SEMA6D: variants seen among roughly 807,000 people sequenced by gnomAD.
The protein encoded by SEMA6D is semaphorin-6D.
In SEMA6D, 35 loss-of-function variants were observed where a neutral mutation model predicts 106.6. That is an observed-to-expected ratio of 0.33 (90% CI 0.25 to 0.44). The LOEUF (loss-of-function observed/expected upper bound fraction) is 0.44. Among genes scored for constraint, SEMA6D ranks in the 20% least tolerant of loss-of-function variants. The pLI, the probability that SEMA6D is intolerant of heterozygous loss-of-function variation, is 1.00. For synonymous variants in SEMA6D, 499 were observed against 487.7 expected (o/e 1.02, Z -0.31); for missense variants, 1,185 against 1,345.9 (o/e 0.88, Z 1.87).
At chr15:47,342,443 A>G (rs1477100253) in intron 1 of SEMA6D, among the ~76,000 whole-genome samples, 1 of 152,236 alleles carries the variant, frequency 6.6e-6, no homozygotes, top group Non-Finnish European at 1.5e-5. Context: ...AACACTATTA[A>G]GATGTTCTGA....
At chr15:47,621,250 T>C (rs1036391717) in intron 4 of SEMA6D, among the ~76,000 whole-genome samples, 4 of 152,296 alleles carry the variant, frequency 2.6e-5, no homozygotes, top group African/African-American at 7.2e-5. Flanking sequence ...ACTTGCATCA[T>C]AGATGCTTGT....
At chr15:47,383,429 A>G (rs1224007604) in intron 1 of SEMA6D, among the ~76,000 whole-genome samples, 1 of 152,220 alleles carries the variant, frequency 6.6e-6, no homozygotes. Context: ...TCTAACTCCT[A>G]TGCCCTGGCT....
chr15:47,355,300 T>C (rs2038521480), intron 1 of SEMA6D, among the ~76,000 whole-genome samples: 1 of 151,970 alleles, frequency 6.6e-6, no homozygotes, highest in African/African-American at 2.4e-5. Flanking sequence ...ATAAAGAAAA[T>C]AGTACATGCA....
intron 2 of SEMA6D, among the ~76,000 whole-genome samples, chr15:47,433,670 T>C (rs888774181): frequency 2.0e-5 from 3 of 152,132 alleles, no homozygotes; most frequent in African/African-American, 7.2e-5. Context: ...TTGAGGTTAG[T>C]GATTAATTTG....
rs1253937907 is a variant in SEMA6D, at chr15:47,508,025, G to A, written c.-87+37480G>A. 3.9e-5 allele frequency among the ~76,000 whole-genome samples: 6 copies of A among 152,300 alleles called. No individual in the cohort carries two copies. In the East Asian group the frequency reaches 9.7e-4, roughly 25 times the overall value. On this transcript the variant is annotated intron_variant, in intron 3 of 19. Coordinates refer to the SEMA6D transcript ENST00000558014. ...CTTCAGTTCTTAATATCATAACCAT[G>A]CAATACTGCCTATGAAATGACAGAA...
At chr15:47,191,764 AG>A (rs1392796593) in intron 1 of SEMA6D, among the ~76,000 whole-genome samples, 32 of 152,172 alleles carry the variant, frequency 2.1e-4, no homozygotes, top group African/African-American at 7.7e-4. Flanking sequence ...TCAATTTAGG[AG>A]ATGGTATAGA....
intron 1 of SEMA6D, among the ~76,000 whole-genome samples, chr15:47,746,124 CA>C (rs2081118322): frequency 6.6e-6 from 1 of 152,132 alleles, no homozygotes; most frequent in Non-Finnish European, 1.5e-5. Context: ...GACCGAAAAC[CA>C]AAGGACTTGG....
At chr15:47,709,115 G>A (rs2078968288) in intron 4 of SEMA6D, among the ~76,000 whole-genome samples, 1 of 152,106 alleles carries the variant, frequency 6.6e-6, no homozygotes, top group South Asian at 2.1e-4. Context: ...TCAGAAAGAG[G>A]GAAGAGAGTG....
intron 4 of SEMA6D, among the ~76,000 whole-genome samples, chr15:47,664,073 C>T (rs141030188): frequency 3.3e-5 from 5 of 152,252 alleles, no homozygotes; most frequent in African/African-American, 9.6e-5. Flanking sequence ...TGAAGATAAA[C>T]GGCATTGAAT....
intron 1 of SEMA6D, among the ~76,000 whole-genome samples, chr15:47,329,254 G>T (rs1321754156): frequency 6.6e-6 from 1 of 152,138 alleles, no homozygotes; most frequent in Non-Finnish European, 1.5e-5. Flanking sequence ...AGAGCTGAGG[G>T]GTCAGGGAAA....
intron 4 of SEMA6D, among the ~76,000 whole-genome samples, chr15:47,616,879 C>T (rs1307417608): frequency 6.6e-6 from 1 of 152,194 alleles, no homozygotes; most frequent in Admixed American, 6.5e-5. Flanking sequence ...TTCTAGACAG[C>T]ATTGCACATA....
At chr15:47,634,972 G>A (rs959540348) in intron 4 of SEMA6D, among the ~76,000 whole-genome samples, 1 of 152,146 alleles carries the variant, frequency 6.6e-6, no homozygotes, top group African/African-American at 2.4e-5. Flanking sequence ...TGGTGTTTTG[G>A]CTAGGAGAAC....
At chr15:47,363,562 G>A (rs771580059) in intron 1 of SEMA6D, among the ~76,000 whole-genome samples, 1 of 152,098 alleles carries the variant, frequency 6.6e-6, no homozygotes, top group South Asian at 2.1e-4. Flanking sequence ...AACAAAACAT[G>A]ACCTAGAATA....
chr15:47,615,918 A>G (rs917151006), intron 4 of SEMA6D, among the ~76,000 whole-genome samples: 1 of 152,232 alleles, frequency 6.6e-6, no homozygotes, highest in African/African-American at 2.4e-5. Context: ...TTATCCAGTT[A>G]CTGAAGAGCA....
At chr15:47,279,772 C>T (rs2035020983) in intron 1 of SEMA6D, among the ~76,000 whole-genome samples, 1 of 151,682 alleles carries the variant, frequency 6.6e-6, no homozygotes, top group African/African-American at 2.4e-5. Context: ...TTTTCTGCAT[C>T]TATTGAGATA....
At chr15:47,724,298 T>C (rs2146421788) in intron 1 of SEMA6D, among the ~76,000 whole-genome samples, 1 of 152,334 alleles carries the variant, frequency 6.6e-6, no homozygotes, top group Admixed American at 6.5e-5. Context: ...GTCTACTCTG[T>C]ACAAGTGGGT....
intron 1 of SEMA6D, among the ~76,000 whole-genome samples, chr15:47,386,746 C>T (rs1327330806): frequency 6.6e-6 from 1 of 152,150 alleles, no homozygotes; most frequent in East Asian, 1.9e-4. Context: ...GGTCATTTCC[C>T]CTTTCACTAG....
chr15:47,724,444 A>G (rs976650077), intron 1 of SEMA6D, among the ~76,000 whole-genome samples: 8 of 152,220 alleles, frequency 5.3e-5, no homozygotes, highest in African/African-American at 1.9e-4. Flanking sequence ...AGATATACAC[A>G]GACTTAGGGA....
At chr15:47,489,559 C>G (rs2043403318) in intron 3 of SEMA6D, among the ~76,000 whole-genome samples, 1 of 152,198 alleles carries the variant, frequency 6.6e-6, no homozygotes, top group African/African-American at 2.4e-5. Context: ...CTCCACAATG[C>G]ATCTCCTCTC....
Sources: gnomAD v4.1 joint callset for allele counts (sites outside exome capture counted in the v4.1 genomes callset) on GRCh38, gnomAD v4.1.1 for gene constraint, MANE v1.5 for transcripts, NCBI Gene and HGNC (gene_info 2026-07-23, HGNC 2026-07-21) for gene names.